Variants in NAV2 observed in about 807,000 individuals in gnomAD.
NAV2 encodes helicase, APC down-regulated 1.
NAV2 carries 54 observed loss-of-function variants against 223.2 expected under a neutral mutation model. The ratio of observed to expected loss-of-function variants is 0.24; its 90% CI spans 0.19 to 0.30. The LOEUF (loss-of-function observed/expected upper bound fraction) is 0.30. Among genes scored for constraint, NAV2 ranks in the 10% least tolerant of loss-of-function variants. NAV2 has a pLI of 1.00. For missense variants in NAV2, 2,806 were observed against 3,147.5 expected, an observed-to-expected ratio of 0.89 and a Z score of 2.60; for synonymous variants, 1,279 against 1,239.3, an observed-to-expected ratio of 1.03 and a Z score of -0.67.
chr11:19,778,864 G>A (rs2056503473), intron 1 of NAV2, among the ~76,000 whole-genome samples: 1 of 152,200 alleles, frequency 6.6e-6, no homozygotes, highest in Admixed American at 6.5e-5. Flanking sequence ...CTGTACCTGA[G>A]ATGCCACTCT....
At chr11:19,445,480 C>A (rs1048511193) in intron 1 of NAV2, among the ~76,000 whole-genome samples, 1 of 152,054 alleles carries the variant, frequency 6.6e-6, no homozygotes, top group African/African-American at 2.4e-5. Context: ...TGCTATGATC[C>A]CCACTTTATA....
intron 1 of NAV2, among the ~76,000 whole-genome samples, chr11:19,695,772 T>C (rs1219730298): frequency 1.3e-5 from 2 of 151,898 alleles, no homozygotes; most frequent in Non-Finnish European, 2.9e-5. Context: ...GGCATGGTGG[T>C]GTGTGCCTAT....
rs569446282 is a variant in NAV2 at position 19,859,137 on chromosome 11, C to CTTTTTTTTTTTTTTTTTTTTTTTTTTTT, written c.439-9766_439-9765insTTTTTTTTTTTTTTTTTTTTTTTTTTTT. Among the ~76,000 whole-genome samples, 36 of 107,098 alleles carry CTTTTTTTTTTTTTTTTTTTTTTTTTTTT rather than the reference C, an allele frequency of 3.4e-4. 1 individual carries two copies. Among genetic ancestry groups the CTTTTTTTTTTTTTTTTTTTTTTTTTTTT allele is most frequent in the East Asian group, 9.8e-4 (3 of 3,070 alleles). The allele number at this position is 107,098 out of a possible 152,430, so 70.3% of individuals were successfully genotyped here. The stretch of plus-strand genomic sequence containing the variant: ...ATGGAGGAGTCCAAAATCATATTCT[C>CTTTTTTTTTTTTTTTTTTTTTTTTTTTT]TTTTTTTTTTTTTTTTTTTTTTATT... On this transcript the variant is annotated intron_variant, in intron 3 of 37. Coordinates refer to ENST00000349880, the MANE Select transcript of NAV2 (RefSeq NM_145117.5).
At chr11:19,593,467 G>A (rs1001861070) in intron 1 of NAV2, among the ~76,000 whole-genome samples, 1 of 152,150 alleles carries the variant, frequency 6.6e-6, no homozygotes, top group African/African-American at 2.4e-5. Flanking sequence ...GTTGTTTCCA[G>A]TTTTTGGCTT....
rs527472997 is a variant in NAV2 at position 19,529,492 on chromosome 11, T to C, written c.75+178465T>C. Among the ~76,000 whole-genome samples the C allele has an allele frequency of 1.0e-4, 15 of 148,894 alleles. No homozygotes were observed. In the South Asian group the frequency reaches 3.4e-3, roughly 33 times the overall value. On this transcript the variant is annotated intron_variant, in intron 1 of 37. Transcript: ENST00000360655. ...GTCAGTTGAGACCCGCCCCACCCCA[T>C]CCCCAGTAATTCTCTAACATGTCGC...
intron 11 of NAV2, among the ~76,000 whole-genome samples, chr11:19,988,541 T>TC (rs2051014572): frequency 6.6e-6 from 1 of 151,620 alleles, no homozygotes; most frequent in Non-Finnish European, 1.5e-5. Flanking sequence ...AGGAGAGATT[T>TC]TTCTTTTCTT....
At chr11:19,857,554 T>C (rs978655030) in intron 3 of NAV2, among the ~76,000 whole-genome samples, 4 of 152,216 alleles carry the variant, frequency 2.6e-5, no homozygotes, top group African/African-American at 9.7e-5. Flanking sequence ...AAGGAATGAA[T>C]GAGACTGTCA....
chr11:19,574,146 T>C (rs1263067603), intron 1 of NAV2, among the ~76,000 whole-genome samples: 1 of 152,216 alleles, frequency 6.6e-6, no homozygotes, highest in Non-Finnish European at 1.5e-5. Flanking sequence ...GCTAGTTGTA[T>C]AAAACTGAGC....
In NAV2 at chr11:19,733,556, G is replaced by A. The variant is rs576288873; in HGVS notation, c.267+19594G>A. ...CAACGGGTTTTAAGGCACCTGCACC[G>A]TTAGTTCCTGACTTGATAACATGGG... On this transcript the variant is annotated intron_variant, in intron 1 of 37. Transcript: ENST00000349880. Among the ~76,000 whole-genome samples the A allele has an allele frequency of 1.1e-4, 17 of 152,320 alleles. No individual in the cohort carries two copies. In the South Asian group the frequency reaches 2.7e-3, roughly 24 times the overall value.
intron 4 of NAV2, among the ~76,000 whole-genome samples, chr11:19,874,923 G>A (rs539970823): frequency 3.3e-5 from 5 of 152,336 alleles, no homozygotes; most frequent in Non-Finnish European, 4.4e-5. Flanking sequence ...TTGGGAGGCC[G>A]AGGTGGGTGG....
chr11:19,963,891 G>A (rs776421584), intron 10 of NAV2, among the ~76,000 whole-genome samples: 2 of 152,114 alleles, frequency 1.3e-5, no homozygotes, highest in Admixed American at 6.5e-5. Flanking sequence ...GCCTTACCGC[G>A]ATGTGGCTTC....
At chr11:19,584,150 T>C (rs2045816514) in intron 1 of NAV2, among the ~76,000 whole-genome samples, 1 of 152,232 alleles carries the variant, frequency 6.6e-6, no homozygotes, top group Admixed American at 6.5e-5. Context: ...TTCCAGATTT[T>C]CTAGTTTATT....
At chr11:19,629,721 T>C (rs530310108) in intron 1 of NAV2, among the ~76,000 whole-genome samples, 299 of 152,196 alleles carry the variant, frequency 2.0e-3, no homozygotes, top group Non-Finnish European at 3.6e-3. Context: ...CAGATCTTGT[T>C]AGGAAAGGAG....
upstream of NAV2, chr11:19,710,864 G>A (rs925079258): frequency 6.6e-6 from 1 of 152,168 alleles, no homozygotes; most frequent in African/African-American, 2.4e-5. Flanking sequence ...CAGTATAAAT[G>A]TTGGGTAGCT....
chr11:20,117,415 A>G (rs1316708558), intron 37 of NAV2, among the ~76,000 whole-genome samples: 3 of 152,154 alleles, frequency 2.0e-5, no homozygotes, highest in East Asian at 3.9e-4. Context: ...CTTCAACCCT[A>G]TGAGAAGTGT....
intron 1 of NAV2, among the ~76,000 whole-genome samples, chr11:19,668,188 G>A (rs1345308408): frequency 6.6e-6 from 1 of 152,184 alleles, no homozygotes; most frequent in Non-Finnish European, 1.5e-5. Flanking sequence ...TTGGTCCCAT[G>A]ACATATAAGA....
At chr11:19,658,820 A>G (rs150379370) in intron 1 of NAV2, among the ~76,000 whole-genome samples, 2 of 152,216 alleles carry the variant, frequency 1.3e-5, no homozygotes, top group African/African-American at 4.8e-5. Context: ...TTTTTCCATG[A>G]CAGCCAATAT....
At chr11:19,714,882 A>G (rs781508427) in intron 1 of NAV2, among the ~76,000 whole-genome samples, 21 of 151,816 alleles carry the variant, frequency 1.4e-4, no homozygotes, top group Non-Finnish European at 2.8e-4. Context: ...AGGGGGCTAT[A>G]TTTTCTTGGC....
chr11:19,656,096 G>A (rs1438778975), intron 1 of NAV2, among the ~76,000 whole-genome samples: 2 of 152,190 alleles, frequency 1.3e-5, no homozygotes, highest in African/African-American at 4.8e-5. Flanking sequence ...GGGCTCAGCA[G>A]TGTCAGCTCA....
Sources: gnomAD v4.1 joint callset for allele counts (sites outside exome capture counted in the v4.1 genomes callset) on GRCh38, gnomAD v4.1.1 for gene constraint, MANE v1.5 for transcripts, NCBI Gene and HGNC (gene_info 2026-07-23, HGNC 2026-07-21) for gene names.